Variants in CUL3 observed in about 807,000 individuals in gnomAD.
CUL3 encodes the protein cullin 3, also known as cullin-3.
Under a neutral mutation model 89.1 loss-of-function variants are expected in CUL3, and 19 were observed. The observed-to-expected ratio is 0.21, with a 90% CI of 0.15 to 0.31. CUL3 has a LOEUF of 0.31. Ranked by LOEUF, CUL3 falls within the 10% of genes least tolerant of loss-of-function variation. The pLI is 1.00. For synonymous variants in CUL3, 351 were observed against 308.4 expected, an observed-to-expected ratio of 1.14 and a Z score of -1.45; for missense variants, 469 against 942.3, an observed-to-expected ratio of 0.50 and a Z score of 6.58.
intron 1 of CUL3, among the ~76,000 whole-genome samples, chr2:224,565,381 G>A (rs1695018496): frequency 6.6e-6 from 1 of 152,172 alleles, no homozygotes; most frequent in Admixed American, 6.6e-5. Context: ...GTGTCTTAGG[G>A]GTGGCACAGG....
intron 4 of CUL3, among the ~76,000 whole-genome samples, 157 bp downstream of exon 4, chr2:224,514,455 T>C (rs1574646820): frequency 1.3e-5 from 2 of 152,226 alleles, no homozygotes; most frequent in Admixed American, 6.5e-5. Flanking sequence ...AAATTAAATT[T>C]TGGGTAACTG....
intron 13 of CUL3, among the ~76,000 whole-genome samples, chr2:224,489,434 A>T (rs1168451757): frequency 1.3e-5 from 2 of 152,218 alleles, no homozygotes; most frequent in Non-Finnish European, 2.9e-5. Flanking sequence ...CAATGTGCAG[A>T]AATCACAAGC....
intron 3 of CUL3, among the ~76,000 whole-genome samples, chr2:224,515,341 T>C (rs979374113): frequency 1.2e-4 from 18 of 152,356 alleles, no homozygotes; most frequent in African/African-American, 4.1e-4. Context: ...TACAGATATC[T>C]CAGTTTATAA....
intron 3 of CUL3, among the ~76,000 whole-genome samples, chr2:224,519,277 A>C (rs374215604): frequency 6.6e-6 from 1 of 152,352 alleles, no homozygotes; most frequent in East Asian, 1.9e-4. Context: ...TGTTTAGCAC[A>C]TGGGTTCCAT....
At chr2:224,581,081 T>C (rs1695425575) in intron 1 of CUL3, among the ~76,000 whole-genome samples, 1 of 152,156 alleles carries the variant, frequency 6.6e-6, no homozygotes. Context: ...ATCTTACTTG[T>C]TCTCATCACA....
At chr2:224,580,192 T>C (rs1460059394) in intron 1 of CUL3, among the ~76,000 whole-genome samples, 3 of 152,260 alleles carry the variant, frequency 2.0e-5, no homozygotes, top group Non-Finnish European at 4.4e-5. Flanking sequence ...TGTGAAATGA[T>C]ACATTTTGTG....
intron 10 of CUL3, among the ~76,000 whole-genome samples, chr2:224,501,290 A>G (rs1350328291): frequency 2.6e-5 from 4 of 152,210 alleles, no homozygotes; most frequent in African/African-American, 7.2e-5. Context: ...CAACCTCTGC[A>G]TACAGATCCA....
At chr2:224,554,549 C>T (rs1183905074) in intron 2 of CUL3, among the ~76,000 whole-genome samples, 1 of 152,170 alleles carries the variant, frequency 6.6e-6, no homozygotes, top group Admixed American at 6.5e-5. Context: ...TCCGGCTAGG[C>T]CACTTAACAG....
chr2:224,505,943 C>T lies in CUL3; in HGVS notation c.1206+13G>A, dbSNP rs2106202477. ...TAAAATTAAATGTTATTTTCAAATG[C>T]ATTACTACTTACCCCTTTGACTCCC... On this transcript the variant is annotated intron_variant, in intron 8 of 15. Transcript: ENST00000264414. 1.3e-6 allele frequency: 2 copies of T among 1,481,538 alleles called. No individual in the cohort carries two copies. The highest frequency in any genetic ancestry group is 1.8e-6 in the Non-Finnish European group (2 of 1,090,802). 91.8% of individuals were successfully genotyped at this position (1,481,538 alleles called of 1,614,324 possible).
intron 6 of CUL3, among the ~76,000 whole-genome samples, chr2:224,508,758 G>C (rs1692699292): frequency 1.3e-5 from 2 of 152,110 alleles, no homozygotes; most frequent in South Asian, 4.1e-4. Context: ...AGGATATCGA[G>C]ACCACCCTGG....
At chr2:224,518,386 G>C (rs898240545) in intron 3 of CUL3, among the ~76,000 whole-genome samples, 2 of 150,876 alleles carry the variant, frequency 1.3e-5, no homozygotes, top group Non-Finnish European at 2.9e-5. Context: ...TGGATACTTT[G>C]GGTTGTTTCC....
intron 2 of CUL3, among the ~76,000 whole-genome samples, chr2:224,547,363 C>A (rs914826329): frequency 2.0e-5 from 3 of 152,146 alleles, no homozygotes; most frequent in African/African-American, 7.2e-5. Flanking sequence ...TATCTCACTA[C>A]GCTCATACCT....
At chr2:224,531,890 G>A (rs1693708428) in intron 3 of CUL3, among the ~76,000 whole-genome samples, 1 of 152,132 alleles carries the variant, frequency 6.6e-6, no homozygotes, top group Non-Finnish European at 1.5e-5. Flanking sequence ...ACAGAGAAGA[G>A]CCCAGTGAAC....
rs758577239 is a variant in CUL3, at chr2:224,506,840, TC to T, written c.1029+17del. 2 of 1,608,614 alleles carry T rather than the reference TC, an allele frequency of 1.2e-6. No individual in the cohort carries two copies. The highest frequency in any genetic ancestry group is 2.7e-5 in the African/African-American group (2 of 74,598). On this transcript the variant is annotated intron_variant, in intron 7 of 15. Transcript: ENST00000264414. ...ATGCCTTTATCATAAACACAGAGAATCTTCTGGGTTTACTTACCTGGATATA... is the reference window on the plus strand; with the variant it reads ...ATGCCTTTATCATAAACACAGAGAATTTCTGGGTTTACTTACCTGGATATA...
chr2:224,541,461 C>T (rs1341489163), intron 2 of CUL3, among the ~76,000 whole-genome samples: 1 of 152,218 alleles, frequency 6.6e-6, no homozygotes, highest in Non-Finnish European at 1.5e-5. Context: ...AGATTTGCAA[C>T]AACTAGAACT....
intron 5 of CUL3, among the ~76,000 whole-genome samples, chr2:224,512,119 A>G (rs1692849201): frequency 6.6e-6 from 1 of 150,650 alleles, no homozygotes; most frequent in South Asian, 2.1e-4. Context: ...TTTTTGAGAC[A>G]GAGTCTCGCT....
chr2:224,547,795 G>A (rs538195117), intron 2 of CUL3, among the ~76,000 whole-genome samples: 3 of 151,962 alleles, frequency 2.0e-5, no homozygotes, highest in Admixed American at 2.0e-4. Context: ...TATTTGCCTA[G>A]AAAGGGAAAA....
intron 5 of CUL3, among the ~76,000 whole-genome samples, chr2:224,512,503 A>G (rs1396985240): frequency 6.6e-6 from 1 of 152,156 alleles, no homozygotes; most frequent in African/African-American, 2.4e-5. Context: ...TGTTACAGTT[A>G]CCTTATAACT....
At chr2:224,544,452 G>A (rs943477910) in intron 2 of CUL3, among the ~76,000 whole-genome samples, 2 of 151,646 alleles carry the variant, frequency 1.3e-5, no homozygotes, top group Middle Eastern at 3.2e-3. Context: ...TATTAACGAT[G>A]GATAAGTTGC....
Sources: gnomAD v4.1 joint callset for allele counts (sites outside exome capture counted in the v4.1 genomes callset) on GRCh38, gnomAD v4.1.1 for gene constraint, MANE v1.5 for transcripts, NCBI Gene and HGNC (gene_info 2026-07-23, HGNC 2026-07-21) for gene names.